The following SYT7 variants were observed in gnomAD, a reference collection of about 807,000 sequenced individuals.
SYT7 encodes the protein synaptotagmin 7, also known as synaptotagmin-7.
A neutral mutation model predicts 75.1 loss-of-function variants in SYT7; 29 were observed. That is an observed-to-expected ratio of 0.39 (90% CI 0.29 to 0.53). SYT7 has a LOEUF of 0.53. Ranked by LOEUF, SYT7 falls within the 20% of genes least tolerant of loss-of-function variation. The pLI is 0.77. For synonymous variants in SYT7, 376 were observed against 401.7 expected (o/e 0.94, Z 0.76); for missense variants, 693 against 953.2 (o/e 0.73, Z 3.59).
chr11:61,563,655 C>T (rs527663861), intron 1 of SYT7, among the ~76,000 whole-genome samples: 1 of 152,302 alleles, frequency 6.6e-6, no homozygotes, highest in South Asian at 2.1e-4. Context: ...TTCCCACAAG[C>T]AGGCCAACCC....
At chr11:61,558,505 T>TACACACACACACACACACACACAC in intron 1 of SYT7, among the ~76,000 whole-genome samples, 1 of 134,568 alleles carries the variant, frequency 7.4e-6, no homozygotes, top group Non-Finnish European at 1.6e-5. Context: ...CACACACACA[T>TACACACACACACACACACACACAC]ACACACACAC....
rs756422799 is a variant in SYT7, at chr11:61,528,107, C to T, written c.1279G>A (p.Gly427Ser). The T allele has an allele frequency of 4.3e-6, 7 of 1,613,570 alleles. No individual in the cohort carries two copies. The highest frequency in any genetic ancestry group is 1.7e-5 in the Admixed American group (1 of 59,988). ...ENLGRIQFSV[G>S]YNFQESTLTV... ...AGCGTGGACTCCTGGAAGTTGTAGC[C>T]GACACTGAACTGGATCCGGCCCAGG... Residue 427 changes from glycine (G) to serine (S), a missense_variant, in exon 9 of 13, where the codon GGC becomes AGC. Coordinates refer to ENST00000539008, the MANE Select transcript of SYT7 (RefSeq NM_001365809.2).
intron 2 of SYT7, among the ~76,000 whole-genome samples, chr11:61,555,789 G>A (rs2063486224): frequency 6.6e-6 from 1 of 152,150 alleles, no homozygotes; most frequent in Non-Finnish European, 1.5e-5. Context: ...GTGTGTGTGC[G>A]CGTGTGTGTA....
At position 61,523,795 on chromosome 11, in the gene SYT7, C is replaced by G. The variant is rs1267077713; in HGVS notation, c.1756+32G>C. 6.2e-7 allele frequency: 1 copy of G among 1,603,552 alleles called. No homozygotes were observed. The highest frequency in any genetic ancestry group is 1.3e-5 in the African/African-American group (1 of 74,792). ...CCTTGTGTCACCAGCACCTCCCCGG[C>G]CCGCCCATCCTCTGCTGGAGAAGCC... On this transcript the variant is annotated intron_variant, in intron 11 of 12. Coordinates refer to ENST00000539008, the MANE Select transcript of SYT7 (RefSeq NM_001365809.2). The surrounding 1 kb of genome is among the most constrained non-coding windows in gnomAD (Gnocchi z 5.0).
chr11:61,587,555 G>A, the SYT7 span, among the ~76,000 whole-genome samples: 1 of 152,210 alleles, frequency 6.6e-6, no homozygotes, highest in African/African-American at 2.4e-5. Context: ...CCCCACCCCA[G>A]CCAGCACCAC....
rs1437763731 is a variant in SYT7 at position 61,514,292 on chromosome 11, G to A, written c.*4335C>T. ...CCCCTGAGGCTACTTACCTGACCCC[G>A]GGGCTTCCTCTGATCTCTGGAACAG... On this transcript the variant is annotated 3_prime_UTR_variant, in exon 13 of 13. Transcript: ENST00000539008. Among the ~76,000 whole-genome samples, 2 of 152,202 alleles carry A rather than the reference G, an allele frequency of 1.3e-5. No homozygotes were observed. Among genetic ancestry groups the A allele is most frequent in the Non-Finnish European group, 2.9e-5 (2 of 68,022 alleles).
At position 61,580,734 on chromosome 11, in the gene SYT7, T is replaced by C; in HGVS notation, c.31+56A>G. Reference sequence around the variant, plus strand: ...GGGGCTCCGAGACGGCGTCCGGCGCTGCCGCTGTCCTGCCCGCCGGTGCGG... The same window carrying C: ...GGGGCTCCGAGACGGCGTCCGGCGCCGCCGCTGTCCTGCCCGCCGGTGCGG... On this transcript the variant is annotated intron_variant, in intron 1 of 12. Transcript: ENST00000539008. This position sits in a 1 kb window ranked among gnomAD's most constrained non-coding sequence, Gnocchi z 6.1. The C allele has an allele frequency of 8.7e-7, 1 of 1,151,544 alleles. No homozygotes were observed. The highest frequency in any genetic ancestry group is 1.1e-6 in the Non-Finnish European group (1 of 919,010). 71.3% of individuals were successfully genotyped at this position (1,151,544 alleles called of 1,614,324 possible).
At chr11:61,543,627 C>G (rs188254792) in intron 5 of SYT7, among the ~76,000 whole-genome samples, 102 of 152,342 alleles carry the variant, frequency 6.7e-4, no homozygotes, top group African/African-American at 2.4e-3. Context: ...AAATAATCCC[C>G]GAGCTTCCTC....
chr11:61,558,208 G>A (rs926607620), intron 1 of SYT7, among the ~76,000 whole-genome samples: 7 of 152,198 alleles, frequency 4.6e-5, no homozygotes, highest in Non-Finnish European at 1.0e-4. Flanking sequence ...TGTAATCCCA[G>A]CACTTTGGGA....
chr11:61,573,048 G>A (rs1053913913), intron 1 of SYT7, among the ~76,000 whole-genome samples: 1 of 152,048 alleles, frequency 6.6e-6, no homozygotes, highest in African/African-American at 2.4e-5. Context: ...ATGGGTCCCT[G>A]TGCCAGTGGC....
chr11:61,565,867 A>G (rs1284605299), intron 1 of SYT7, among the ~76,000 whole-genome samples: 4 of 152,276 alleles, frequency 2.6e-5, no homozygotes, highest in Non-Finnish European at 4.4e-5. Context: ...TGTAATAAAA[A>G]CAGATAATGT....
At chr11:61,570,163 G>A (rs2063883706) in intron 1 of SYT7, among the ~76,000 whole-genome samples, 1 of 152,234 alleles carries the variant, frequency 6.6e-6, no homozygotes. Flanking sequence ...GAGTGATGAG[G>A]CCAGATGCAG....
chr11:61,542,724 G>A lies in SYT7; in HGVS notation c.573-145C>T, dbSNP rs1284603539. The A allele has an allele frequency of 3.0e-5, 40 of 1,346,312 alleles. No individual in the cohort carries two copies. The highest frequency in any genetic ancestry group is 1.0e-4 in the Admixed American group (3 of 29,002). The allele number at this position is 1,346,312 out of a possible 1,614,324, so 83.4% of individuals were successfully genotyped here. On this transcript the variant is annotated intron_variant, in intron 5 of 12. Coordinates refer to ENST00000539008, the MANE Select transcript of SYT7 (RefSeq NM_001365809.2). The surrounding 1 kb of genome is among the most constrained non-coding windows in gnomAD (Gnocchi z 7.8). The stretch of plus-strand genomic sequence containing the variant: ...TCGCCAGGCCTCCATCGGAGCTGTC[G>A]CCACCGCCGTCGCCGCCACTGCCTC...
At position 61,546,194 on chromosome 11, in the gene SYT7, C is replaced by T; in HGVS notation, c.409G>A (p.Gly137Ser). 6.6e-6 allele frequency: 10 copies of T among 1,514,298 alleles called. No individual in the cohort carries two copies. Among genetic ancestry groups the T allele is most frequent in the Non-Finnish European group, 8.8e-6 (10 of 1,138,346 alleles). The allele number at this position is 1,514,298 out of a possible 1,614,324, so 93.8% of individuals were successfully genotyped here. ...GGTGCCGGCTTCTCCCCCAGCCGGC[C>T]TTCCCGCTCCACCGCCAGCCCCGCC... ...AAAGLAVERE[G>S]RLGEKPAPVP... is the part of the protein sequence containing the mutation. The change falls in exon 5 of 13, where the codon GGC becomes AGC. Residue 137 changes from glycine to serine, a missense_variant. Gly to Ser is a moderately conservative substitution (Grantham distance 56). This residue lies in a region of SYT7 where 487 missense variants were observed against 593.2 expected (regional missense o/e 0.82). Coordinates refer to ENST00000539008, the MANE Select transcript of SYT7 (RefSeq NM_001365809.2). This position sits in a 1 kb window ranked among gnomAD's most constrained non-coding sequence, Gnocchi z 7.6.
At chr11:61,550,079 G>A (rs1185307847) in intron 3 of SYT7, among the ~76,000 whole-genome samples, 1 of 152,202 alleles carries the variant, frequency 6.6e-6, no homozygotes, top group African/African-American at 2.4e-5. Context: ...CTCTGCAAGA[G>A]CCCCTGGGCC....
In SYT7 at chr11:61,523,267, G is replaced by A. The variant is rs759041073; in HGVS notation, c.1764C>T (p.Tyr588=). ...AMDIGGTSDP[Y]VKVWLMYKDK... ...CCTTGTACATCAGCCATACCTTCAC[G>A]TAGGGGTCTAGGGGAGGGAGTGGGG... The change falls in exon 12 of 13, where the codon TAC becomes TAT. Residue 588 remains tyrosine (Y), a synonymous_variant. Transcript: ENST00000539008. The surrounding 1 kb of genome is among the most constrained non-coding windows in gnomAD (Gnocchi z 5.0). 34 of 1,613,998 alleles carry A rather than the reference G, an allele frequency of 2.1e-5. No individual in the cohort carries two copies. Among genetic ancestry groups the A allele is most frequent in the Middle Eastern group, 1.6e-4 (1 of 6,084 alleles).
intron 4 of SYT7, 31 bp downstream of exon 4, chr11:61,547,146 A>T: frequency 6.5e-7 from 1 of 1,534,024 alleles, no homozygotes; most frequent in Non-Finnish European, 8.7e-7. Flanking sequence ...GATACTCGGT[A>T]CATATGATCA....
At chr11:61,538,593 G>A (rs997680576) in intron 6 of SYT7, among the ~76,000 whole-genome samples, 1 of 152,148 alleles carries the variant, frequency 6.6e-6, no homozygotes, top group Non-Finnish European at 1.5e-5. Context: ...TAAACTGCAA[G>A]GGGCTGGGCA....
chr11:61,547,147 C>T, intron 4 of SYT7, 30 bp downstream of exon 4: 1 of 1,534,030 alleles, frequency 6.5e-7, no homozygotes, highest in Non-Finnish European at 8.7e-7. Context: ...ATACTCGGTA[C>T]ATATGATCAA....
Sources: allele counts gnomAD v4.1 joint callset (sites outside exome capture counted in the v4.1 genomes callset), GRCh38; gene constraint gnomAD v4.1.1; regional missense constraint gnomAD v4.1.1; non-coding constraint Gnocchi (gnomAD v3.1); transcripts MANE v1.5; gene names NCBI Gene and HGNC (gene_info 2026-07-23, HGNC 2026-07-21).